The following MAPT variants were observed in gnomAD, a reference collection of about 807,000 sequenced individuals.
The protein encoded by MAPT is microtubule associated protein tau.
In MAPT, 34 loss-of-function variants were observed where a neutral mutation model predicts 67.9. That is an observed-to-expected ratio of 0.50 (90% CI 0.38 to 0.67). MAPT has a LOEUF of 0.67. Among genes scored for constraint, MAPT ranks in the 30% least tolerant of loss-of-function variants. The pLI is 0.00. For synonymous variants in MAPT, 456 were observed against 464.5 expected (o/e 0.98, Z 0.23); for missense variants, 881 against 1,115.2 (o/e 0.79, Z 2.99).
chr17:45,963,454 C>T (rs568743718), intron 2 of MAPT, among the ~76,000 whole-genome samples: 148 of 152,198 alleles, frequency 9.7e-4, no homozygotes, highest in African/African-American at 3.3e-3. Context: ...GAGGCTGTCT[C>T]CGCGCTGGGT....
In MAPT at chr17:45,974,422, C is replaced by G. The variant is rs375470008; in HGVS notation, c.220+2477C>G. On this transcript the variant is annotated intron_variant, in intron 3 of 12. Transcript: ENST00000262410. ...CCTTAGTGGATGAGGGAGCTCCCGGCAAGCAGGCTGCCGCGCAGCCCCACA... is the reference window on the plus strand; with the variant it reads ...CCTTAGTGGATGAGGGAGCTCCCGGGAAGCAGGCTGCCGCGCAGCCCCACA... The G allele has an allele frequency of 5.0e-5, 81 of 1,610,752 alleles. No homozygotes were observed. Among genetic ancestry groups the G allele is most frequent in the Non-Finnish European group, 5.9e-5 (70 of 1,179,284 alleles).
chr17:45,900,315 C>T (rs1309168091), intron 1 of MAPT, among the ~76,000 whole-genome samples: 1 of 152,190 alleles, frequency 6.6e-6, no homozygotes, highest in African/African-American at 2.4e-5. Flanking sequence ...GTGCCATGCT[C>T]CTGCCACCTC....
intron 9 of MAPT, among the ~76,000 whole-genome samples, chr17:45,997,632 C>T (rs917306459): frequency 5.3e-5 from 8 of 152,212 alleles, no homozygotes; most frequent in Admixed American, 3.9e-4. Flanking sequence ...TGGTGGTGCG[C>T]GCCTATAATC....
chr17:45,972,524 G>A (rs1283188487), intron 3 of MAPT, among the ~76,000 whole-genome samples: 1 of 152,144 alleles, frequency 6.6e-6, no homozygotes, highest in East Asian at 1.9e-4. Context: ...TCCCATCTGT[G>A]TCAGTCAAGA....
intron 1 of MAPT, among the ~76,000 whole-genome samples, chr17:45,929,159 GAT>G (rs2066629256): frequency 2.0e-5 from 3 of 152,258 alleles, no homozygotes; most frequent in South Asian, 4.2e-4. Context: ...GGATGGTAAG[GAT>G]ATTTTCCTAG....
intron 1 of MAPT, among the ~76,000 whole-genome samples, chr17:45,934,464 G>A (rs1488125442): frequency 1.3e-5 from 2 of 152,032 alleles, no homozygotes; most frequent in African/African-American, 2.4e-5. Flanking sequence ...TTATCATGTG[G>A]GTTTTAATTT....
chr17:45,956,579 TATATATATATATATATA>T (rs1568230775), intron 1 of MAPT, among the ~76,000 whole-genome samples: 2 of 7,398 alleles, frequency 2.7e-4, no homozygotes, highest in African/African-American at 3.4e-4. Context: ...TATATATATA[TATATATATATATATATA>T]TATATTTTTT....
intron 1 of MAPT, among the ~76,000 whole-genome samples, chr17:45,921,839 C>T (rs530999686): frequency 1.9e-4 from 29 of 152,176 alleles, no homozygotes; most frequent in Admixed American, 1.8e-3. Flanking sequence ...AGAAGGACGT[C>T]TTGGGGGTAT....
intron 1 of MAPT, among the ~76,000 whole-genome samples, chr17:45,957,490 C>T (rs2069870352): frequency 6.6e-6 from 1 of 152,226 alleles, no homozygotes. Context: ...TGTTCATTCC[C>T]TGAAAACCTC....
At position 45,983,592 on chromosome 17, in the gene MAPT, G is replaced by C; in HGVS notation, c.1013G>C (p.Gly338Ala). ...AGCATCCCAGGCTTCCCAGCGGAGG[G>C]TGCCATCCCCCTCCCTGTGGATTTC... is the stretch of plus-strand genomic sequence containing the variant. ...ATSIPGFPAE[G>A]AIPLPVDFLS... Residue 338 changes from glycine to alanine, a missense_variant, in exon 5 of 13, where the codon GGT becomes GCT. This residue lies in a region of MAPT where 687 missense variants were observed against 766.1 expected (regional missense o/e 0.90). Coordinates refer to ENST00000262410, the MANE Select transcript of MAPT (RefSeq NM_001377265.1). The C allele has an allele frequency of 6.2e-7, 1 of 1,613,340 alleles. No individual in the cohort carries two copies. The highest frequency in any genetic ancestry group is 1.3e-5 in the African/African-American group (1 of 75,056).
intron 7 of MAPT, 142 bp from the exon 8 acceptor site, chr17:45,991,318 C>T (rs1318344383): frequency 3.0e-6 from 3 of 988,974 alleles, no homozygotes; most frequent in African/African-American, 1.6e-5. Flanking sequence ...GTAGCAGACA[C>T]TAGTGGCATC....
rs370792998 is a variant in MAPT at position 45,989,903 on chromosome 17, C to A, written c.1433C>A (p.Thr478Asn). The change falls in exon 7 of 13, where the codon ACC becomes AAC. Residue 478 changes from threonine to asparagine, a missense_variant. Transcript: ENST00000262410. Reference protein sequence around the residue: ...AKTSTRSSAKTLKNRPCLSPK... With the variant: ...AKTSTRSSAKNLKNRPCLSPK... ...ACATCCACACGTTCCTCTGCTAAAACCTTGAAAAATAGGCCTTGCCTTAGC... is the reference window on the plus strand; with the variant it reads ...ACATCCACACGTTCCTCTGCTAAAAACTTGAAAAATAGGCCTTGCCTTAGC... 6.2e-7 allele frequency: 1 copy of A among 1,614,168 alleles called. No individual in the cohort carries two copies. The highest frequency in any genetic ancestry group is 8.5e-7 in the Non-Finnish European group (1 of 1,180,024).
Position 45,934,833 on chromosome 17 carries a change from T to C in MAPT, c.-17-27488T>C, listed in dbSNP as rs192761268. On this transcript the variant is annotated intron_variant, in intron 1 of 12. Coordinates refer to ENST00000262410, the MANE Select transcript of MAPT (RefSeq NM_001377265.1). Reference sequence around the variant, plus strand: ...GCCTTGTCTGCAAAGTGGAATCATCTTTTCCTTGCTAGACAGAAGGTGGAC... The same window carrying C: ...GCCTTGTCTGCAAAGTGGAATCATCCTTTCCTTGCTAGACAGAAGGTGGAC... Among the ~76,000 whole-genome samples, 10 of 152,292 alleles carry C rather than the reference T, an allele frequency of 6.6e-5. No individual in the cohort carries two copies. The East Asian group carries it at 1.9e-3, about 29-fold the overall frequency.
rs2073108978 is a variant in MAPT at position 45,982,847 on chromosome 17, C to T, written c.287-19C>T. The T allele has an allele frequency of 3.2e-6, 4 of 1,263,544 alleles. No homozygotes were observed. Among genetic ancestry groups the T allele is most frequent in the South Asian group, 2.6e-5 (1 of 37,870 alleles). The allele number at this position is 1,263,544 out of a possible 1,614,324, so 78.3% of individuals were successfully genotyped here. A position where few individuals can be genotyped will look rare whatever the true frequency, so the allele number is the denominator to read the frequency against. ...TGCGCCCTTGCTAACCTTTTGCTAT[C>T]GCTGCCTCTTCAAACCAGAGGAGTT... On this transcript the variant is annotated intron_variant, in intron 4 of 12. Transcript: ENST00000262410.
rs1234430415 is a variant in MAPT at position 45,915,677 on chromosome 17, T to C, written c.-18+20991T>C. On this transcript the variant is annotated intron_variant, in intron 1 of 12. Transcript: ENST00000262410. This position sits in a 1 kb window ranked among gnomAD's most constrained non-coding sequence, Gnocchi z 4.4. ...CTGAACACAGCACTTTAGAGGGCTC[T>C]CCTGGAGTCAGAGGGGGTGGGTAGG... 6.6e-6 allele frequency among the ~76,000 whole-genome samples: 1 copy of C among 152,002 alleles called. No homozygotes were observed. The highest frequency in any genetic ancestry group is 2.4e-5 in the African/African-American group (1 of 41,362).
intron 1 of MAPT, among the ~76,000 whole-genome samples, chr17:45,901,665 T>C (rs1158351032): frequency 1.3e-5 from 2 of 152,154 alleles, no homozygotes; most frequent in Non-Finnish European, 2.9e-5. Context: ...TATCAGAAAA[T>C]CATTTAAATG....
intron 9 of MAPT, among the ~76,000 whole-genome samples, chr17:46,005,214 T>C (rs2075328450): frequency 6.6e-6 from 1 of 152,368 alleles, no homozygotes; most frequent in East Asian, 1.9e-4. Context: ...TGGTAAGTTT[T>C]CTTTGTCAGA....
intron 10 of MAPT, among the ~76,000 whole-genome samples, chr17:46,011,276 G>A (rs1166322260): frequency 6.6e-6 from 1 of 152,126 alleles, no homozygotes; most frequent in Non-Finnish European, 1.5e-5. Flanking sequence ...CGCACCTGTA[G>A]TCCCAGCTAC....
chr17:45,991,380 G>A (rs979009689), intron 7 of MAPT, 80 bp from the exon 8 acceptor site: 50 of 1,578,808 alleles, frequency 3.2e-5, no homozygotes, highest in African/African-American at 6.7e-5. Context: ...TCAAGGTGGC[G>A]GAGTGGGGCT....
Sources: allele counts gnomAD v4.1 joint callset (sites outside exome capture counted in the v4.1 genomes callset), GRCh38; gene constraint gnomAD v4.1.1; regional missense constraint gnomAD v4.1.1; non-coding constraint Gnocchi (gnomAD v3.1); transcripts MANE v1.5; gene names NCBI Gene and HGNC (gene_info 2026-07-23, HGNC 2026-07-21).